The following BCAR1 variants were observed in gnomAD, a reference collection of about 807,000 sequenced individuals.
BCAR1 encodes the protein breast cancer anti-estrogen resistance protein 1.
In BCAR1, 30 loss-of-function variants were observed where a neutral mutation model predicts 67.6. The ratio of observed to expected loss-of-function variants is 0.44; its 90% CI spans 0.33 to 0.60. The LOEUF (loss-of-function observed/expected upper bound fraction) is 0.60, where lower values mean the gene tolerates loss of function less well. Ranked by LOEUF, BCAR1 falls within the 20% of genes least tolerant of loss-of-function variation. The probability of loss-of-function intolerance (pLI) is 0.02; values close to 1 mark genes in which losing one functional copy is unlikely to be tolerated. For synonymous variants in BCAR1, 626 were observed against 556.7 expected (o/e 1.12, Z -1.75); for missense variants, 1,313 against 1,222.3 (o/e 1.07, Z -1.11).
At chr16:75,258,051 G>A (rs530047315) in intron 1 of BCAR1, among the ~76,000 whole-genome samples, 23 of 152,192 alleles carry the variant, frequency 1.5e-4, no homozygotes, top group Non-Finnish European at 2.5e-4. Context: ...ACAGGTGGCC[G>A]GCAAACACAC....
chr16:75,265,453 C>T (rs1328505361), intron 1 of BCAR1, among the ~76,000 whole-genome samples: 1 of 152,180 alleles, frequency 6.6e-6, no homozygotes, highest in Non-Finnish European at 1.5e-5. Context: ...GACCCCTCCC[C>T]GCTAGGCCTA....
chr16:75,238,562 C>T lies in BCAR1; in HGVS notation c.634-1218G>A, dbSNP rs982132757. The T allele has an allele frequency of 3.0e-6, 3 of 989,086 alleles. No homozygotes were observed. The African/African-American group carries it at 5.2e-5, about 17-fold the overall frequency. The allele number at this position is 989,086 out of a possible 1,614,324, so 61.3% of individuals were successfully genotyped here. A position where few individuals can be genotyped will look rare whatever the true frequency, so the allele number is the denominator to read the frequency against. ...CTGAGCATGGGGGTGGCAGAGGCGC[C>T]AGCACCCCCCAGCAGCCGCAGGCCT... On this transcript the variant is annotated intron_variant, in intron 2 of 6. Coordinates refer to ENST00000162330, the MANE Select transcript of BCAR1 (RefSeq NM_014567.5).
At chr16:75,237,815 T>C (rs902098426) in intron 2 of BCAR1, among the ~76,000 whole-genome samples, 3 of 152,004 alleles carry the variant, frequency 2.0e-5, no homozygotes, top group African/African-American at 4.8e-5. Context: ...CTCAGAAGGG[T>C]TGGCCCAGCA....
intron 2 of BCAR1, among the ~76,000 whole-genome samples, chr16:75,239,665 T>C (rs1474241587): frequency 6.6e-6 from 1 of 152,092 alleles, no homozygotes; most frequent in South Asian, 2.1e-4. Flanking sequence ...CCTTGGGAAA[T>C]GGAGCACCAC....
chr16:75,265,778 C>A, intron 1 of BCAR1: 1 of 1,197,064 alleles, frequency 8.4e-7, no homozygotes, highest in Non-Finnish European at 1.0e-6. Flanking sequence ...AGGTCGCAGC[C>A]GGGCGGGGGA....
upstream of BCAR1, chr16:75,252,166 A>G: frequency 6.5e-7 from 1 of 1,531,872 alleles, no homozygotes; most frequent in Non-Finnish European, 8.8e-7. Flanking sequence ...TAAGGACCCC[A>G]GGAAATGAAG....
chr16:75,257,831 G>T (rs558990893), intron 1 of BCAR1, among the ~76,000 whole-genome samples: 6 of 152,254 alleles, frequency 3.9e-5, no homozygotes, highest in African/African-American at 1.4e-4. Context: ...AGCCTATGCC[G>T]GCCTATAGAT....
intron 6 of BCAR1, among the ~76,000 whole-genome samples, chr16:75,233,555 G>C (rs990955631): frequency 1.3e-5 from 2 of 152,244 alleles, no homozygotes; most frequent in African/African-American, 4.8e-5. Flanking sequence ...GAGCAGGGCA[G>C]AGCCAGCCCC....
chr16:75,243,387 C>G (rs148783546), intron 1 of BCAR1: 1 of 612,024 alleles, frequency 1.6e-6, no homozygotes, highest in African/African-American at 1.8e-5. Flanking sequence ...CTAAAAGCCC[C>G]ACCCAAGGCC....
upstream of BCAR1, chr16:75,252,121 C>G: frequency 7.1e-7 from 1 of 1,412,228 alleles, no homozygotes; most frequent in Non-Finnish European, 9.7e-7. Context: ...CGAATCATCA[C>G]CACCACAGCT....
intron 6 of BCAR1, among the ~76,000 whole-genome samples, 171 bp from the exon 7 acceptor site, chr16:75,230,194 G>A (rs1001409107): frequency 3.3e-5 from 5 of 152,204 alleles, no homozygotes; most frequent in African/African-American, 1.2e-4. Flanking sequence ...CAGGAACCAT[G>A]GCAAGCCTTC....
chr16:75,236,854 C>T (rs376535250), intron 4 of BCAR1, 28 bp downstream of exon 4: 400 of 1,606,734 alleles, frequency 2.5e-4, no homozygotes, highest in Admixed American at 3.4e-4. Context: ...CTCAGCCTGG[C>T]CCTGGCATTG....
rs561429326 is a variant in BCAR1 at position 75,262,657 on chromosome 16, T to C, written c.66+5258A>G. Among the ~76,000 whole-genome samples, 13 of 152,286 alleles carry C rather than the reference T, an allele frequency of 8.5e-5. No homozygotes were observed. In the East Asian group the frequency reaches 2.5e-3, roughly 29 times the overall value. On this transcript the variant is annotated intron_variant, in intron 1 of 6. Coordinates refer to the BCAR1 transcript ENST00000393422. Reference sequence around the variant, plus strand: ...GCTATGAACCCCAGGGCAGGCCTCATGGCTCCTTGGGCAGCTCCCCCACTC... The same window carrying C: ...GCTATGAACCCCAGGGCAGGCCTCACGGCTCCTTGGGCAGCTCCCCCACTC...
At chr16:75,248,108 G>A (rs780631794) in intron 1 of BCAR1, 16 of 1,598,096 alleles carry the variant, frequency 1.0e-5, no homozygotes, top group Middle Eastern at 1.7e-4. Flanking sequence ...ACAGCCCAGG[G>A]TCACTGAGTC....
At chr16:75,234,124 A>C (rs747835023) in intron 5 of BCAR1, among the ~76,000 whole-genome samples, 189 bp from the exon 6 acceptor site, 78 of 146,994 alleles carry the variant, frequency 5.3e-4, no homozygotes, top group Non-Finnish European at 1.2e-4. Flanking sequence ...AGCACACGTG[A>C]ACACACACAC....
At chr16:75,250,186 G>A (rs1418116557) in intron 1 of BCAR1, 2 of 153,164 alleles carry the variant, frequency 1.3e-5, no homozygotes, top group Non-Finnish European at 2.9e-5. Flanking sequence ...GCAGAACCTG[G>A]GACTGCCCTG....
chr16:75,252,106 G>T, upstream of BCAR1: 1 of 1,293,458 alleles, frequency 7.7e-7, no homozygotes, highest in East Asian at 2.5e-5. Context: ...CCAGCCTGTA[G>T]GAGACGAATC....
At chr16:75,252,586 G>C (rs72802395), upstream of BCAR1, among the ~76,000 whole-genome samples, 1 of 151,806 alleles carries the variant, frequency 6.6e-6, no homozygotes, top group Non-Finnish European at 1.5e-5. Context: ...TGATAGGACC[G>C]AGCCTGGTCC....
At chr16:75,232,330 T>C (rs1319998410) in intron 6 of BCAR1, among the ~76,000 whole-genome samples, 3 of 151,846 alleles carry the variant, frequency 2.0e-5, no homozygotes, top group Non-Finnish European at 4.4e-5. Context: ...TGGCCAATTT[T>C]TGTATTTTTA....
Sources: allele counts gnomAD v4.1 joint callset (sites outside exome capture counted in the v4.1 genomes callset), GRCh38; gene constraint gnomAD v4.1.1; transcripts MANE v1.5; gene names NCBI Gene and HGNC (gene_info 2026-07-23, HGNC 2026-07-21).